The following BAZ1A variants were observed in gnomAD, a reference collection of about 807,000 sequenced individuals.
BAZ1A encodes the protein bromodomain adjacent to zinc finger domain protein 1A.
BAZ1A carries 50 observed loss-of-function variants against 185.2 expected under a neutral mutation model. The observed-to-expected ratio is 0.27, with a 90% CI of 0.22 to 0.34. The LOEUF is 0.34. Among genes scored for constraint, BAZ1A ranks in the 10% least tolerant of loss-of-function variants. The probability of loss-of-function intolerance (pLI) is 1.00; values close to 1 mark genes in which losing one functional copy is unlikely to be tolerated. For synonymous variants in BAZ1A, 571 were observed against 615.6 expected, an observed-to-expected ratio of 0.93 and a Z score of 1.07; for missense variants, 1,356 against 1,839.9, an observed-to-expected ratio of 0.74 and a Z score of 4.81.
chr14:34,839,272 G>A (rs536156287), intron 3 of BAZ1A, among the ~76,000 whole-genome samples: 22 of 152,120 alleles, frequency 1.4e-4, no homozygotes, highest in Non-Finnish European at 2.5e-4. Context: ...TTGGCCGGGC[G>A]CAGTGGCACA....
intron 6 of BAZ1A, among the ~76,000 whole-genome samples, chr14:34,804,228 G>A (rs991175834): frequency 6.6e-5 from 10 of 152,200 alleles, no homozygotes; most frequent in East Asian, 5.8e-4. Flanking sequence ...GGCTGGTCTC[G>A]AACTCCTGAC....
intron 23 of BAZ1A, among the ~76,000 whole-genome samples, chr14:34,764,175 T>C (rs991323826): frequency 2.6e-5 from 4 of 152,126 alleles, no homozygotes; most frequent in African/African-American, 9.7e-5. Context: ...TTTATCACTC[T>C]CTCTCAGATT....
At chr14:34,797,863 C>T (rs928745584) in intron 9 of BAZ1A, among the ~76,000 whole-genome samples, 29 of 152,320 alleles carry the variant, frequency 1.9e-4, no homozygotes, top group Admixed American at 3.3e-4. Flanking sequence ...CGAAGCAGGG[C>T]GGGCATCGCC....
At chr14:34,813,432 CA>C (rs998237680) in intron 4 of BAZ1A, among the ~76,000 whole-genome samples, 9 of 152,156 alleles carry the variant, frequency 5.9e-5, no homozygotes, top group South Asian at 2.1e-4. Context: ...CCTGTAATCC[CA>C]GCACTTTGGG....
At chr14:34,818,907 C>T (rs948417975) in intron 4 of BAZ1A, among the ~76,000 whole-genome samples, 5 of 151,840 alleles carry the variant, frequency 3.3e-5, no homozygotes, top group South Asian at 2.1e-4. Flanking sequence ...TTTGGGAGGC[C>T]GAGGCGGGCG....
At chr14:34,823,852 C>T (rs373892852) in intron 4 of BAZ1A, among the ~76,000 whole-genome samples, 2 of 152,058 alleles carry the variant, frequency 1.3e-5, no homozygotes, top group East Asian at 3.9e-4. Flanking sequence ...TGAATAATTG[C>T]ATGTTTACTT....
rs541856037 is a variant in BAZ1A, at chr14:34,796,022, G to A, written c.1129-257C>T. Among the ~76,000 whole-genome samples, 12 of 152,224 alleles carry A rather than the reference G, an allele frequency of 7.9e-5. No homozygotes were observed. In the South Asian group the frequency reaches 2.1e-3, roughly 26 times the overall value. ...ATACTATAAAGACTGAAAATGGGCCGAGTGCAGTGGCTCACACATGTAATC... is the reference window on the plus strand; with the variant it reads ...ATACTATAAAGACTGAAAATGGGCCAAGTGCAGTGGCTCACACATGTAATC... On this transcript the variant is annotated intron_variant, in intron 9 of 26. Transcript: ENST00000360310.
At chr14:34,847,842 T>A (rs2042538882) in intron 3 of BAZ1A, among the ~76,000 whole-genome samples, 1 of 152,120 alleles carries the variant, frequency 6.6e-6, no homozygotes, top group Non-Finnish European at 1.5e-5. Flanking sequence ...ACACTCTGTA[T>A]CATAGGTTTG....
chr14:34,759,943 G>A (rs1184610374), intron 24 of BAZ1A, among the ~76,000 whole-genome samples: 2 of 152,148 alleles, frequency 1.3e-5, no homozygotes, highest in African/African-American at 4.8e-5. Context: ...CCAAAGTGCT[G>A]GGATTACAGG....
chr14:34,860,663 T>C (rs1250393282), intron 3 of BAZ1A, among the ~76,000 whole-genome samples: 2 of 152,038 alleles, frequency 1.3e-5, no homozygotes, highest in Non-Finnish European at 2.9e-5. Flanking sequence ...TCCCAGCACT[T>C]TGAGAGGCCA....
At chr14:34,850,102 G>A (rs974819140) in intron 3 of BAZ1A, among the ~76,000 whole-genome samples, 6 of 152,070 alleles carry the variant, frequency 3.9e-5, no homozygotes, top group South Asian at 2.1e-4. Context: ...AGGTCAGGCC[G>A]GGCATAGTGG....
intron 2 of BAZ1A, among the ~76,000 whole-genome samples, chr14:34,866,936 A>G (rs8006073): frequency 0.86 from 130,395 of 151,198 alleles, 57,187 homozygotes; most frequent in Non-Finnish European, 0.96. Flanking sequence ...TTTAAAAATT[A>G]AGATACTTTA....
At chr14:34,812,043 A>C (rs1019184028) in intron 4 of BAZ1A, among the ~76,000 whole-genome samples, 3 of 152,206 alleles carry the variant, frequency 2.0e-5, no homozygotes, top group African/African-American at 7.2e-5. Flanking sequence ...AAGATTCAGC[A>C]GTCAACAAAA....
At chr14:34,777,881 C>T (rs1452284867) in intron 17 of BAZ1A, among the ~76,000 whole-genome samples, 4 of 152,056 alleles carry the variant, frequency 2.6e-5, no homozygotes, top group South Asian at 2.1e-4. Context: ...ATCCCAGCTA[C>T]TCGGGAGGCT....
At chr14:34,818,263 T>G (rs564172122) in intron 4 of BAZ1A, among the ~76,000 whole-genome samples, 7 of 152,266 alleles carry the variant, frequency 4.6e-5, no homozygotes, top group African/African-American at 1.4e-4. Context: ...TTTCTACCTA[T>G]ACAAAATATC....
chr14:34,865,997 G>C (rs1342826079), intron 2 of BAZ1A, among the ~76,000 whole-genome samples: 2 of 152,070 alleles, frequency 1.3e-5, no homozygotes, highest in East Asian at 3.9e-4. Context: ...AGACCAGACT[G>C]CGCAACAAAG....
At chr14:34,824,140 G>T (rs1214072279) in intron 4 of BAZ1A, among the ~76,000 whole-genome samples, 1 of 150,736 alleles carries the variant, frequency 6.6e-6, no homozygotes, top group South Asian at 2.1e-4. Context: ...AGAGACTGAG[G>T]TGGGAAGCCA....
chr14:34,838,730 A>C (rs2042366993), intron 3 of BAZ1A, among the ~76,000 whole-genome samples: 2 of 152,014 alleles, frequency 1.3e-5, no homozygotes, highest in South Asian at 4.2e-4. Flanking sequence ...TCACCATGTT[A>C]ACCAGGCTGG....
rs1004460491 is a variant in BAZ1A at position 34,874,097 on chromosome 14, G to T, written c.113+395C>A. On this transcript the variant is annotated intron_variant, in intron 2 of 26. Coordinates refer to ENST00000360310, the MANE Select transcript of BAZ1A (RefSeq NM_013448.3). This position sits in a 1 kb window ranked among gnomAD's most constrained non-coding sequence, Gnocchi z 4.7. ...CGGCCCCACGTCGCTGACCCTAGCG[G>T]GGATCCCCTCGGCCGCCGGGAGGGG... is the stretch of plus-strand genomic sequence containing the variant. Among the ~76,000 whole-genome samples, 4 of 152,138 alleles carry T rather than the reference G, an allele frequency of 2.6e-5. No homozygotes were observed. Among genetic ancestry groups the T allele is most frequent in the Admixed American group, 6.5e-5 (1 of 15,282 alleles).
Sources: gnomAD v4.1 joint callset for allele counts (sites outside exome capture counted in the v4.1 genomes callset) on GRCh38, gnomAD v4.1.1 for gene constraint, Gnocchi (gnomAD v3.1) non-coding constraint, MANE v1.5 for transcripts, NCBI Gene and HGNC (gene_info 2026-07-23, HGNC 2026-07-21) for gene names.